Variants in RERE observed in about 807,000 individuals in gnomAD.
RERE encodes the protein arginine-glutamic acid dipeptide repeats protein.
A neutral mutation model predicts 146.1 loss-of-function variants in RERE; 40 were observed. The ratio of observed to expected loss-of-function variants is 0.27; its 90% CI spans 0.21 to 0.36. The LOEUF (loss-of-function observed/expected upper bound fraction) is 0.36, where lower values mean the gene tolerates loss of function less well. RERE is among the 10% of genes least tolerant of loss of function. The pLI is 1.00. For missense variants in RERE, 1,933 were observed against 2,138.7 expected (o/e 0.90, Z 1.90); for synonymous variants, 1,003 against 866.0 (o/e 1.16, Z -2.78).
At chr1:8,664,557 T>C (rs1025768845) in intron 1 of RERE, among the ~76,000 whole-genome samples, 3 of 152,108 alleles carry the variant, frequency 2.0e-5, no homozygotes, top group African/African-American at 7.2e-5. Flanking sequence ...ACCAAAGGCA[T>C]ACTCTGCGTG....
chr1:8,401,065 A>ATG (rs1557611797), intron 12 of RERE, among the ~76,000 whole-genome samples: 5 of 105,724 alleles, frequency 4.7e-5, no homozygotes, highest in Non-Finnish European at 8.1e-5. Context: ...ATATATATAT[A>ATG]TATATATGTC....
intron 7 of RERE, among the ~76,000 whole-genome samples, chr1:8,533,694 C>A (rs918563114): frequency 1.2e-4 from 18 of 152,198 alleles, no homozygotes; most frequent in Admixed American, 3.3e-4. Flanking sequence ...CTCAATCCAG[C>A]CTCACCATGA....
intron 1 of RERE, among the ~76,000 whole-genome samples, chr1:8,726,142 C>CTTTT (rs1348386294): frequency 2.8e-5 from 3 of 107,136 alleles, no homozygotes; most frequent in African/African-American, 1.1e-4. Flanking sequence ...TTCCTTTTTT[C>CTTTT]TTTTCTTTTT....
rs949652484 is a variant in RERE at position 8,354,178 on chromosome 1, G to A, written c.*909C>T. On this transcript the variant is annotated 3_prime_UTR_variant, in exon 23 of 23. Coordinates refer to ENST00000400908, the MANE Select transcript of RERE (RefSeq NM_001042681.2). ...ACAGTGACACTGGAGAACAGAAAGT[G>A]AACATTCACCTCCTGCACTCCCTGT... 1.3e-5 allele frequency: 2 copies of A among 152,528 alleles called. No individual in the cohort carries two copies. Among genetic ancestry groups the A allele is most frequent in the Non-Finnish European group, 2.9e-5 (2 of 68,044 alleles). The allele number at this position is 152,528 out of a possible 1,614,324, so 9.4% of individuals were successfully genotyped here. A position where few individuals can be genotyped will look rare whatever the true frequency, so the allele number is the denominator to read the frequency against.
intron 12 of RERE, among the ~76,000 whole-genome samples, chr1:8,378,913 T>C (rs935928998): frequency 1.3e-5 from 2 of 152,202 alleles, no homozygotes; most frequent in South Asian, 2.1e-4. Flanking sequence ...AGATGCAGTC[T>C]GCTGGGGGAG....
intron 4 of RERE, among the ~76,000 whole-genome samples, chr1:8,593,404 A>G (rs1247188938): frequency 6.6e-6 from 1 of 152,172 alleles, no homozygotes. Flanking sequence ...GTGATAGTGA[A>G]TACGTCTCAT....
chr1:8,605,745 C>CAAAAAAAA (rs564574812), intron 4 of RERE, among the ~76,000 whole-genome samples: 49 of 64,534 alleles, frequency 7.6e-4, no homozygotes, highest in African/African-American at 1.8e-3. Flanking sequence ...ACCCCATCTC[C>CAAAAAAAA]AAAAAAAAAA....
chr1:8,429,923 C>T (rs1644072730), intron 11 of RERE: 1 of 152,274 alleles, frequency 6.6e-6, no homozygotes, highest in South Asian at 2.1e-4. Context: ...CATGGCTCCA[C>T]TGAAGACACA....
Position 8,547,036 on chromosome 1 carries a change from A to C in RERE, c.726-5718T>G, listed in dbSNP as rs74516417. On this transcript the variant is annotated intron_variant, in intron 6 of 22. Transcript: ENST00000400908. ...TCAAACTGGCATTTCTCCACAGATT[A>C]ATTAATAAATCCAATACAATCCCAG... is the stretch of plus-strand genomic sequence containing the variant. 7.8e-3 allele frequency among the ~76,000 whole-genome samples: 1,182 copies of C among 151,652 alleles called. 12 individuals are homozygous for C. The highest frequency in any genetic ancestry group is 0.027 in the African/African-American group (1,129 of 41,316).
chr1:8,666,554 C>T (rs549358385), intron 1 of RERE, among the ~76,000 whole-genome samples: 7 of 152,284 alleles, frequency 4.6e-5, no homozygotes, highest in Non-Finnish European at 7.3e-5. Flanking sequence ...TATCAACATG[C>T]CTGGGAAAGA....
At chr1:8,409,971 ATTTTTTTTTT>A (rs57424627) in intron 12 of RERE, among the ~76,000 whole-genome samples, 11 of 95,390 alleles carry the variant, frequency 1.2e-4, no homozygotes, top group South Asian at 4.3e-4. Context: ...CAATCAGGCA[ATTTTTTTTTT>A]TTTTTTTTTT....
At chr1:8,683,610 T>A (rs980334815) in intron 1 of RERE, among the ~76,000 whole-genome samples, 2 of 152,022 alleles carry the variant, frequency 1.3e-5, no homozygotes, top group African/African-American at 2.4e-5. Context: ...ATGGCAGAGA[T>A]TAAAAACAAA....
intron 2 of RERE, among the ~76,000 whole-genome samples, chr1:8,643,996 T>G (rs1210418378): frequency 6.6e-6 from 1 of 152,186 alleles, no homozygotes; most frequent in Non-Finnish European, 1.5e-5. Context: ...TGAACCAGCA[T>G]AAAGTGCACA....
At chr1:8,492,286 C>A (rs1444902614) in intron 10 of RERE, among the ~76,000 whole-genome samples, 1 of 152,104 alleles carries the variant, frequency 6.6e-6, no homozygotes, top group Non-Finnish European at 1.5e-5. Context: ...GATTTCTATA[C>A]TGAAGTATGG....
chr1:8,689,855 G>GC (rs2124415732), intron 1 of RERE, among the ~76,000 whole-genome samples: 1 of 151,778 alleles, frequency 6.6e-6, no homozygotes, highest in African/African-American at 2.4e-5. Flanking sequence ...TCAATGAACT[G>GC]CCCTACACTT....
intron 4 of RERE, among the ~76,000 whole-genome samples, chr1:8,585,804 C>T (rs1265051344): frequency 6.6e-6 from 1 of 152,168 alleles, no homozygotes; most frequent in Non-Finnish European, 1.5e-5. Context: ...AATTGTGCAA[C>T]TGGGTAACAA....
chr1:8,502,974 T>C (rs946621567), intron 8 of RERE, among the ~76,000 whole-genome samples: 9 of 150,832 alleles, frequency 6.0e-5, no homozygotes, highest in Admixed American at 5.3e-4. Flanking sequence ...GTCCTCTGCC[T>C]AGGAAAACCA....
chr1:8,422,061 A>AT (rs1473271291), intron 12 of RERE, among the ~76,000 whole-genome samples: 4 of 152,146 alleles, frequency 2.6e-5, no homozygotes, highest in Non-Finnish European at 5.9e-5. Context: ...CTCTTCATAT[A>AT]ATTTCACTCT....
At chr1:8,451,465 C>T (rs1644389887) in intron 11 of RERE, among the ~76,000 whole-genome samples, 1 of 151,972 alleles carries the variant, frequency 6.6e-6, no homozygotes, top group African/African-American at 2.4e-5. Flanking sequence ...CTTGCCTCAA[C>T]ATCCCGACCT....
Sources: allele counts gnomAD v4.1 joint callset (sites outside exome capture counted in the v4.1 genomes callset), GRCh38; gene constraint gnomAD v4.1.1; transcripts MANE v1.5; gene names NCBI Gene and HGNC (gene_info 2026-07-23, HGNC 2026-07-21).